SLC3A2: variants seen among roughly 807,000 people sequenced by gnomAD.
SLC3A2 encodes solute carrier family 3 member 2, also known as amino acid transporter heavy chain SLC3A2.
Under a neutral mutation model 48.5 loss-of-function variants are expected in SLC3A2, and 32 were observed. The observed-to-expected ratio is 0.66, with a 90% confidence interval of 0.50 to 0.89. The LOEUF (loss-of-function observed/expected upper bound fraction) is 0.89, where lower values mean the gene tolerates loss of function less well. Ranked by LOEUF, SLC3A2 falls within the 40% of genes least tolerant of loss-of-function variation. The probability of loss-of-function intolerance (pLI) is 0.00; values close to 1 mark genes in which losing one functional copy is unlikely to be tolerated. For synonymous variants in SLC3A2, 277 were observed against 288.8 expected (o/e 0.96, Z 0.41); for missense variants, 587 against 680.7 (o/e 0.86, Z 1.53).
chr11:62,877,313 G>A (rs1223981116), upstream of SLC3A2, among the ~76,000 whole-genome samples: 1 of 152,048 alleles, frequency 6.6e-6, no homozygotes, highest in Non-Finnish European at 1.5e-5. Context: ...TGCCTGCCTT[G>A]GTCTCCCAAA....
upstream of SLC3A2, chr11:62,876,861 G>A (rs539759537): frequency 1.6e-4 from 160 of 1,030,654 alleles, no homozygotes; most frequent in African/African-American, 2.6e-3. Flanking sequence ...CTCGGCCTCC[G>A]GAAGTGCTGG....
chr11:62,871,083 C>T (rs902052694), intron 1 of SLC3A2, among the ~76,000 whole-genome samples: 1 of 151,062 alleles, frequency 6.6e-6, no homozygotes, highest in Non-Finnish European at 1.5e-5. Flanking sequence ...CGAGTTTCAG[C>T]ATATTGGCCA....
At chr11:62,886,077 G>A (rs1323547824) in intron 7 of SLC3A2, among the ~76,000 whole-genome samples, 1 of 152,138 alleles carries the variant, frequency 6.6e-6, no homozygotes, top group East Asian at 1.9e-4. Flanking sequence ...ATCACTGGAG[G>A]TAAGGAGTTC....
intron 7 of SLC3A2, among the ~76,000 whole-genome samples, chr11:62,886,924 G>A (rs140407960): frequency 7.8e-4 from 119 of 151,956 alleles, no homozygotes; most frequent in Admixed American, 4.8e-3. Context: ...AATTTGTAGA[G>A]GTGTGGTCTC....
intron 3 of SLC3A2, chr11:62,884,027 T>C: frequency 2.2e-6 from 1 of 458,240 alleles, no homozygotes; most frequent in Non-Finnish European, 4.4e-6. Context: ...TTGACTGACA[T>C]TTTAGATCCT....
At chr11:62,856,417 C>T (rs761195608) in intron 1 of SLC3A2, 50 of 1,555,458 alleles carry the variant, frequency 3.2e-5, no homozygotes, top group South Asian at 4.5e-5. Context: ...GAGGAGGTCC[C>T]CTTTGGTGGG....
intron 1 of SLC3A2, among the ~76,000 whole-genome samples, chr11:62,859,831 G>C (rs997190122): frequency 6.6e-6 from 1 of 152,234 alleles, no homozygotes; most frequent in African/African-American, 2.4e-5. Context: ...GCTCACGCCT[G>C]TAATCCTGAA....
chr11:62,862,928 C>CA (rs894257920), intron 1 of SLC3A2, among the ~76,000 whole-genome samples: 1 of 152,144 alleles, frequency 6.6e-6, no homozygotes, highest in Non-Finnish European at 1.5e-5. Flanking sequence ...AGAAAAGGCT[C>CA]AAATTCTTTT....
intron 7 of SLC3A2, among the ~76,000 whole-genome samples, chr11:62,887,420 AGGCCGGGTGTCGT>A (rs1353964433): frequency 1.3e-5 from 2 of 152,098 alleles, no homozygotes; most frequent in East Asian, 3.9e-4. Context: ...GAAGTTAGCC[AGGCCGGGTGTCGT>A]GGCTTATGCC....
chr11:62,878,632 A>AT (rs1048433687), upstream of SLC3A2, among the ~76,000 whole-genome samples: 8,719 of 112,952 alleles, frequency 0.077, 334 homozygotes, highest in African/African-American at 0.11. Flanking sequence ...CGCCTGGCTG[A>AT]TTTTTTTTTT....
intron 7 of SLC3A2, 127 bp from the exon 8 acceptor site, chr11:62,888,008 C>A: frequency 1.3e-6 from 1 of 763,852 alleles, no homozygotes; most frequent in Non-Finnish European, 2.2e-6. Flanking sequence ...GTTGCTGAGG[C>A]TGGTTTCAAA....
chr11:62,883,853 G>A (rs540810788), intron 3 of SLC3A2: 1 of 404,310 alleles, frequency 2.5e-6, no homozygotes, highest in South Asian at 1.8e-5. Context: ...TCCACAGTGT[G>A]TGCAGGACTG....
At chr11:62,883,130 C>T in intron 3 of SLC3A2, 131 bp downstream of exon 3, 1 of 753,388 alleles carries the variant, frequency 1.3e-6, no homozygotes. Flanking sequence ...AGGAGGAATG[C>T]CTCCTCCTAT....
intron 3 of SLC3A2, chr11:62,883,737 T>G: frequency 7.4e-6 from 2 of 268,924 alleles, no homozygotes; most frequent in South Asian, 3.7e-5. Context: ...AGGGAATGTT[T>G]TTGGATGGTT....
chr11:62,885,924 G>A (rs747085283), intron 7 of SLC3A2, among the ~76,000 whole-genome samples: 2 of 152,160 alleles, frequency 1.3e-5, no homozygotes, highest in Non-Finnish European at 2.9e-5. Context: ...TTTGGACAGT[G>A]GGTACTGTGC....
At chr11:62,883,419 G>A in intron 3 of SLC3A2, 1 of 193,398 alleles carries the variant, frequency 5.2e-6, no homozygotes, top group Non-Finnish European at 1.1e-5. Context: ...GGGACTCTAT[G>A]CCAAGTATTT....
chr11:62,858,919 A>G (rs1365002417), intron 1 of SLC3A2, among the ~76,000 whole-genome samples: 4 of 152,010 alleles, frequency 2.6e-5, no homozygotes, highest in African/African-American at 9.7e-5. Context: ...GTTTTTCCCT[A>G]TCTCAGTAGA....
chr11:62,865,310 T>G (rs1031274779), intron 1 of SLC3A2, among the ~76,000 whole-genome samples: 2 of 152,110 alleles, frequency 1.3e-5, no homozygotes, highest in Non-Finnish European at 2.9e-5. Context: ...CCCAGCACTT[T>G]GGGAGGCTAA....
At chr11:62,875,890 T>TAG (rs1454170391) in intron 1 of SLC3A2, among the ~76,000 whole-genome samples, 1 of 152,062 alleles carries the variant, frequency 6.6e-6, no homozygotes, top group African/African-American at 2.4e-5. Flanking sequence ...TCAGATAGGG[T>TAG]CACCCTGTCA....
Sources: allele counts gnomAD v4.1 joint callset (sites outside exome capture counted in the v4.1 genomes callset), GRCh38; gene constraint gnomAD v4.1.1; transcripts MANE v1.5; gene names NCBI Gene and HGNC (gene_info 2026-07-23, HGNC 2026-07-21).